The following TFAP2B variants were observed in gnomAD, a reference collection of about 807,000 sequenced individuals.
The protein encoded by TFAP2B is transcription factor AP-2-beta.
TFAP2B carries 9 observed loss-of-function variants against 44.3 expected under a neutral mutation model. The observed-to-expected ratio is 0.20, with a 90% CI of 0.12 to 0.35. The LOEUF is 0.35. Among genes scored for constraint, TFAP2B ranks in the 10% least tolerant of loss-of-function variants. TFAP2B has a pLI of 1.00. For missense variants in TFAP2B, 509 were observed against 600.0 expected, an observed-to-expected ratio of 0.85 and a Z score of 1.59; for synonymous variants, 270 against 263.8, an observed-to-expected ratio of 1.02 and a Z score of -0.23.
At position 50,840,305 on chromosome 6, in the gene TFAP2B, T is replaced by C. The variant is rs149257920; in HGVS notation, c.1082+8T>C. The C allele has an allele frequency of 8.7e-6, 14 of 1,613,324 alleles. No homozygotes were observed. In the African/African-American group the frequency reaches 1.9e-4, roughly 22 times the overall value. On this transcript the variant is annotated splice_region_variant and intron_variant, in intron 6 of 6. Transcript: ENST00000393655. Reference sequence around the variant, plus strand: ...TATGCTGTTGGCCACCAAGTGAGTTTATTAGACTCTGGGCCCTCATCTCAC... The same window carrying C: ...TATGCTGTTGGCCACCAAGTGAGTTCATTAGACTCTGGGCCCTCATCTCAC...
chr6:50,822,055 C>A, intron 1 of TFAP2B: 2 of 1,078,758 alleles, frequency 1.9e-6, no homozygotes, highest in South Asian at 1.3e-5. Flanking sequence ...CTGTGTCCAG[C>A]TCGCTTCTCT....
At position 50,836,177 on chromosome 6, in the gene TFAP2B, CTCAGT is replaced by C; in HGVS notation, c.722_726del (p.Ser241AsnfsTer19). On this transcript the variant is annotated frameshift_variant, in exon 4 of 7. Coordinates refer to ENST00000393655, the MANE Select transcript of TFAP2B (RefSeq NM_003221.4). LOFTEE classifies it high-confidence loss of function. ...CTCCGTCCCAGGCCGTTTGTCTCTGCTCAGTTCAACTTCGAAGTACAAAGTAACTG... is the reference window on the plus strand; with the variant it reads ...CTCCGTCCCAGGCCGTTTGTCTCTGCTCAACTTCGAAGTACAAAGTAACTG... 6.2e-7 allele frequency: 1 copy of C among 1,614,082 alleles called. No homozygotes were observed. The highest frequency in any genetic ancestry group is 8.5e-7 in the Non-Finnish European group (1 of 1,180,034).
intron 1 of TFAP2B, among the ~76,000 whole-genome samples, chr6:50,822,491 A>G (rs1410478492): frequency 2.0e-5 from 3 of 152,154 alleles, no homozygotes; most frequent in Non-Finnish European, 4.4e-5. Context: ...TTTCCAGAGA[A>G]GAGAGGGAGA....
chr6:50,833,637 A>G (rs1267443432), intron 3 of TFAP2B, among the ~76,000 whole-genome samples: 1 of 152,194 alleles, frequency 6.6e-6, no homozygotes, highest in African/African-American at 2.4e-5. Flanking sequence ...AAGGTACTCA[A>G]CCCATGGCAG....
rs185077174 is a variant in TFAP2B, at chr6:50,821,537, C to T, written c.82-1870C>T. Among the ~76,000 whole-genome samples the T allele has an allele frequency of 2.3e-4, 35 of 152,312 alleles. No homozygotes were observed. The East Asian group carries it at 4.5e-3, about 19-fold the overall frequency. ...GCACTGTTCTCCCTCACTGCCTTAT[C>T]CAAAGGAGCAGGGGCTGCTTTACTC... On this transcript the variant is annotated intron_variant, in intron 1 of 6. Coordinates refer to ENST00000393655, the MANE Select transcript of TFAP2B (RefSeq NM_003221.4).
At chr6:50,837,931 G>C in intron 4 of TFAP2B, 44 bp from the exon 5 acceptor site, 2 of 1,480,626 alleles carry the variant, frequency 1.4e-6, no homozygotes, top group Non-Finnish European at 1.9e-6. Context: ...TTTGTTTCAG[G>C]AACACTCTAA....
At chr6:50,836,802 A>C (rs1561964539) in intron 4 of TFAP2B, among the ~76,000 whole-genome samples, 1 of 152,340 alleles carries the variant, frequency 6.6e-6, no homozygotes, top group African/African-American at 2.4e-5. Flanking sequence ...ACTGTAACCC[A>C]GTTTGATAAA....
chr6:50,823,712 G>T lies in TFAP2B; in HGVS notation c.387G>T (p.Leu129Phe). ...GSLLPQPRAA[L>F]PQLSGLDPRR... ...TCCTGCCCCAGCCTCGGGCCGCCTT[G>T]CCCCAGCTCTCGGGCCTTGACCCCC... Residue 129 changes from leucine to phenylalanine, a missense_variant, in exon 2 of 7, where the codon TTG becomes TTT. By Grantham distance (22) the Leu-to-Phe change is conservative (BLOSUM62 0). This residue lies in a region of TFAP2B where 296 missense variants were observed against 308.2 expected (regional missense o/e 0.96). Transcript: ENST00000393655. 1 of 1,613,154 alleles carries T rather than the reference G, an allele frequency of 6.2e-7. No individual in the cohort carries two copies. The highest frequency in any genetic ancestry group is 1.1e-5 in the South Asian group (1 of 90,922).
intron 3 of TFAP2B, among the ~76,000 whole-genome samples, chr6:50,835,420 T>C (rs2068417544): frequency 6.6e-6 from 1 of 152,158 alleles, no homozygotes; most frequent in Non-Finnish European, 1.5e-5. Context: ...TAGGGAAGAA[T>C]GGGGCCCACT....
rs1234786979 is a variant in TFAP2B at position 50,823,736 on chromosome 6, C to T, written c.411C>T (p.Pro137=). ...AALPQLSGLD[P]RRDYHSVRRP... ...TGCCCCAGCTCTCGGGCCTTGACCC[C>T]CGGAGGGACTACCACTCGGTCCGCC... The change falls in exon 2 of 7, where the codon CCC becomes CCT. Residue 137 remains proline (P), a synonymous_variant. Transcript: ENST00000393655. 6.2e-7 allele frequency: 1 copy of T among 1,611,288 alleles called. No individual in the cohort carries two copies.
At chr6:50,831,150 A>AC (rs1435389964) in intron 3 of TFAP2B, among the ~76,000 whole-genome samples, 1 of 152,004 alleles carries the variant, frequency 6.6e-6, no homozygotes, top group Non-Finnish European at 1.5e-5. Flanking sequence ...TGTTTATGTC[A>AC]CCCCATAGAT....
chr6:50,826,619 A>G (rs2113934921), intron 2 of TFAP2B, among the ~76,000 whole-genome samples: 1 of 151,496 alleles, frequency 6.6e-6, no homozygotes, highest in South Asian at 2.1e-4. Context: ...GGAGGGGGCT[A>G]CAAGTGTTAA....
At chr6:50,828,836 T>C (rs992118368) in intron 3 of TFAP2B, 157 bp downstream of exon 3, 7 of 330,120 alleles carry the variant, frequency 2.1e-5, no homozygotes, top group Non-Finnish European at 2.6e-5. Context: ...AAAGGGCATG[T>C]TGGGAAGATG....
rs140486873 is a variant in TFAP2B, at chr6:50,838,991, C to G, written c.940+898C>G. ...AATATTAAAATATTTAGGCAGCAAC[C>G]ATTAATCATCACAGTTACAGGCCTT... is the stretch of plus-strand genomic sequence containing the variant. On this transcript the variant is annotated intron_variant, in intron 5 of 6. Transcript: ENST00000393655. 3.3e-3 allele frequency among the ~76,000 whole-genome samples: 499 copies of G among 152,246 alleles called. 2 individuals are homozygous for G. Among genetic ancestry groups the G allele is most frequent in the South Asian group, 5.2e-3 (25 of 4,824 alleles).
chr6:50,842,516 C>T (rs1013783264), intron 6 of TFAP2B, among the ~76,000 whole-genome samples: 1 of 152,216 alleles, frequency 6.6e-6, no homozygotes, highest in Non-Finnish European at 1.5e-5. Context: ...CAGAAACTAG[C>T]TCCCTCCCCC....
At position 50,836,099 on chromosome 6, in the gene TFAP2B, A is replaced by C; in HGVS notation, c.640A>C (p.Asn214His). ...CAAATCGGTGACTTCTCTAATGATGAATAAAGACGGCTTCCTGGGAGGCAT... is the reference window on the plus strand; with the variant it reads ...CAAATCGGTGACTTCTCTAATGATGCATAAAGACGGCTTCCTGGGAGGCAT... ...PPKSVTSLMM[N>H]KDGFLGGMSV... Residue 214 changes from asparagine to histidine, a missense_variant, in exon 4 of 7, where the codon AAT becomes CAT. Physicochemically the swap from Asn to His is moderately conservative, Grantham distance 68 (BLOSUM62 1). Coordinates refer to ENST00000393655, the MANE Select transcript of TFAP2B (RefSeq NM_003221.4). 1 of 1,614,154 alleles carries C rather than the reference A, an allele frequency of 6.2e-7. No homozygotes were observed. Among genetic ancestry groups the C allele is most frequent in the Non-Finnish European group, 8.5e-7 (1 of 1,180,034 alleles).
chr6:50,840,007 T>C, intron 5 of TFAP2B, 149 bp from the exon 6 acceptor site: 1 of 1,067,638 alleles, frequency 9.4e-7, no homozygotes, highest in Admixed American at 1.8e-5. Context: ...TTGAGAATCA[T>C]TTTTCCTTTA....
At chr6:50,818,799 G>A, upstream of TFAP2B, 1 of 1,144,696 alleles carries the variant, frequency 8.7e-7, no homozygotes, top group Non-Finnish European at 1.3e-6. Context: ...GGAGAGGAGC[G>A]TCGGATTTGG....
intron 6 of TFAP2B, 94 bp downstream of exon 6, chr6:50,840,391 C>A (rs1169897600): frequency 1.3e-6 from 2 of 1,501,640 alleles, no homozygotes; most frequent in Non-Finnish European, 1.8e-6. Context: ...GAGAAAGAAG[C>A]CAGAGGGTTG....
Sources: allele counts gnomAD v4.1 joint callset (sites outside exome capture counted in the v4.1 genomes callset), GRCh38; gene constraint gnomAD v4.1.1; regional missense constraint gnomAD v4.1.1; transcripts MANE v1.5; gene names NCBI Gene and HGNC (gene_info 2026-07-23, HGNC 2026-07-21).